Variants in PRKN observed in about 807,000 individuals in gnomAD.
PRKN encodes parkin RBR E3 ubiquitin protein ligase.
A neutral mutation model predicts 59.5 loss-of-function variants in PRKN; 56 were observed. The ratio of observed to expected loss-of-function variants is 0.94; its 90% confidence interval spans 0.76 to 1.18. The LOEUF (loss-of-function observed/expected upper bound fraction) is 1.18. Among genes scored for constraint, PRKN ranks in the 50% most tolerant of loss-of-function variants. The pLI is 0.00. For missense variants in PRKN, 657 were observed against 596.4 expected, an observed-to-expected ratio of 1.10 and a Z score of -1.06; for synonymous variants, 250 against 222.1, an observed-to-expected ratio of 1.13 and a Z score of -1.12.
rs1491495272 is a variant in PRKN at position 161,680,776 on chromosome 6, T to TATATATATATATATTTTG, written c.871+104995_871+104996insCAAAATATATATATATAT. 1.6e-4 allele frequency among the ~76,000 whole-genome samples: 3 copies of TATATATATATATATTTTG among 18,934 alleles called. No individual in the cohort carries two copies. The Admixed American group carries it at 2.2e-3, about 14-fold the overall frequency. 12.4% of individuals were successfully genotyped at this position (18,934 alleles called of 152,430 possible). On this transcript the variant is annotated intron_variant, in intron 7 of 11. Transcript: ENST00000366898. ...ATATATATATATATATATATATATA[T>TATATATATATATATTTTG]TTTTTTTTTTTTTTCTTTTCCTAAA... is the stretch of plus-strand genomic sequence containing the variant.
At chr6:162,680,105 C>T (rs928558973) in intron 1 of PRKN, among the ~76,000 whole-genome samples, 1 of 151,770 alleles carries the variant, frequency 6.6e-6, no homozygotes, top group Non-Finnish European at 1.5e-5. Flanking sequence ...ACATATAACA[C>T]ATTTTCTTTT....
At chr6:161,938,970 A>C (rs927427690) in intron 6 of PRKN, among the ~76,000 whole-genome samples, 2 of 152,204 alleles carry the variant, frequency 1.3e-5, no homozygotes, top group Non-Finnish European at 2.9e-5. Flanking sequence ...TGATGTGTTC[A>C]TTTATATTTG....
intron 7 of PRKN, among the ~76,000 whole-genome samples, chr6:161,624,434 T>C (rs916843081): frequency 6.6e-6 from 1 of 152,244 alleles, no homozygotes; most frequent in East Asian, 1.9e-4. Flanking sequence ...TAAAATACTT[T>C]CTCATTGCCA....
chr6:162,262,455 C>A (rs1779930440), intron 3 of PRKN, 70 bp downstream of exon 3: 1 of 1,581,780 alleles, frequency 6.3e-7, no homozygotes, highest in African/African-American at 1.3e-5. Flanking sequence ...CCCGGTGAGG[C>A]CATGCTCCAT....
At chr6:161,392,876 A>G (rs1786577373) in intron 9 of PRKN, among the ~76,000 whole-genome samples, 1 of 152,160 alleles carries the variant, frequency 6.6e-6, no homozygotes, top group Admixed American at 6.5e-5. Flanking sequence ...TTGTCTTGCA[A>G]CTAATATGTG....
chr6:161,517,286 G>C (rs1489982710), intron 9 of PRKN, among the ~76,000 whole-genome samples: 1 of 152,086 alleles, frequency 6.6e-6, no homozygotes, highest in African/African-American at 2.4e-5. Flanking sequence ...AATCTTTATG[G>C]ATCTGGGAGC....
intron 6 of PRKN, among the ~76,000 whole-genome samples, chr6:161,909,122 C>T (rs946198773): frequency 1.1e-4 from 16 of 152,260 alleles, no homozygotes; most frequent in African/African-American, 3.1e-4. Context: ...GAACTAAATC[C>T]GCAGGATGCT....
At chr6:162,662,537 G>A (rs1778929289) in intron 1 of PRKN, among the ~76,000 whole-genome samples, 1 of 151,990 alleles carries the variant, frequency 6.6e-6, no homozygotes, top group African/African-American at 2.4e-5. Context: ...TTTTCTTATA[G>A]GATTTTAATA....
intron 1 of PRKN, among the ~76,000 whole-genome samples, chr6:162,638,154 T>C (rs907739989): frequency 2.7e-5 from 4 of 146,342 alleles, no homozygotes; most frequent in Non-Finnish European, 4.5e-5. Flanking sequence ...TGTAAGGAGT[T>C]CCATATTATT....
chr6:161,942,531 A>G (rs140006848), intron 6 of PRKN, among the ~76,000 whole-genome samples: 2 of 152,280 alleles, frequency 1.3e-5, no homozygotes, highest in African/African-American at 4.8e-5. Context: ...ACTCCATCTC[A>G]AAAAAATAAA....
At chr6:161,563,775 T>C (rs529005877) in intron 8 of PRKN, among the ~76,000 whole-genome samples, 1 of 152,304 alleles carries the variant, frequency 6.6e-6, no homozygotes, top group East Asian at 1.9e-4. Flanking sequence ...GTCTCTGCCA[T>C]ACAGTAATGA....
intron 1 of PRKN, among the ~76,000 whole-genome samples, chr6:162,617,788 T>C (rs1782494439): frequency 6.6e-6 from 1 of 152,036 alleles, no homozygotes; most frequent in Admixed American, 6.6e-5. Context: ...TATGATGAAA[T>C]ATAAAACCAT....
At chr6:162,658,359 A>G (rs955901037) in intron 1 of PRKN, among the ~76,000 whole-genome samples, 2 of 152,218 alleles carry the variant, frequency 1.3e-5, no homozygotes, top group African/African-American at 4.8e-5. Context: ...ACTCATAGCC[A>G]TAGTAACCTA....
At chr6:162,478,528 G>C (rs1446922817) in intron 1 of PRKN, among the ~76,000 whole-genome samples, 1 of 152,210 alleles carries the variant, frequency 6.6e-6, no homozygotes, top group Non-Finnish European at 1.5e-5. Flanking sequence ...AGAGAGAAGA[G>C]CAAGAGCATT....
chr6:161,353,578 C>T lies in PRKN; in HGVS notation c.1286-3367G>A, dbSNP rs1247792670. Among the ~76,000 whole-genome samples the T allele has an allele frequency of 6.6e-6, 1 of 152,224 alleles. No homozygotes were observed. The highest frequency in any genetic ancestry group is 2.4e-5 in the African/African-American group (1 of 41,464). ...GCACCCAGGGAAGGCTTGGAAGCTC[C>T]GCGACCCTTCCCCCATACCTCGCCC... On this transcript the variant is annotated intron_variant, in intron 11 of 11. Coordinates refer to ENST00000366898, the MANE Select transcript of PRKN (RefSeq NM_004562.3). The surrounding 1 kb of genome is among the most constrained non-coding windows in gnomAD (Gnocchi z 4.8).
At chr6:162,587,795 A>G (rs1781124103) in intron 1 of PRKN, among the ~76,000 whole-genome samples, 1 of 152,152 alleles carries the variant, frequency 6.6e-6, no homozygotes, top group Non-Finnish European at 1.5e-5. Flanking sequence ...ATAAAGAAGC[A>G]CAGAAAGAAA....
chr6:162,660,700 G>A (rs556181659), intron 1 of PRKN, among the ~76,000 whole-genome samples: 74 of 152,088 alleles, frequency 4.9e-4, no homozygotes, highest in African/African-American at 1.7e-3. Flanking sequence ...CTCAAGATTC[G>A]GTACCTAAGA....
At chr6:162,631,896 C>T (rs1442391679) in intron 1 of PRKN, among the ~76,000 whole-genome samples, 1 of 150,980 alleles carries the variant, frequency 6.6e-6, no homozygotes, top group Non-Finnish European at 1.5e-5. Flanking sequence ...CAGTCTTCTG[C>T]ATACAGCCAG....
chr6:161,702,906 C>G (rs1167631669), intron 7 of PRKN, among the ~76,000 whole-genome samples: 1 of 151,640 alleles, frequency 6.6e-6, no homozygotes, highest in African/African-American at 2.4e-5. Flanking sequence ...CAATTTTGAT[C>G]TGCAAGAGGC....
Sources: gnomAD v4.1 joint callset for allele counts (sites outside exome capture counted in the v4.1 genomes callset) on GRCh38, gnomAD v4.1.1 for gene constraint, Gnocchi (gnomAD v3.1) non-coding constraint, MANE v1.5 for transcripts, NCBI Gene and HGNC (gene_info 2026-07-23, HGNC 2026-07-21) for gene names.